The following PAK1 variants were observed in gnomAD, a reference collection of about 807,000 sequenced individuals.
The protein encoded by PAK1 is serine/threonine-protein kinase PAK 1.
In PAK1, 29 loss-of-function variants were observed where a neutral mutation model predicts 67.4. That is an observed-to-expected ratio of 0.43 (90% CI 0.32 to 0.59). The LOEUF (loss-of-function observed/expected upper bound fraction) is 0.59. Among genes scored for constraint, PAK1 ranks in the 20% least tolerant of loss-of-function variants. The pLI is 0.07. For missense variants in PAK1, 337 were observed against 670.7 expected (o/e 0.50, Z 5.50); for synonymous variants, 223 against 237.4 (o/e 0.94, Z 0.56).
intron 1 of PAK1, among the ~76,000 whole-genome samples, chr11:77,399,767 G>A (rs1223278960): frequency 1.5e-5 from 2 of 136,026 alleles, no homozygotes; most frequent in African/African-American, 2.6e-5. Context: ...GCTGAGGCAG[G>A]AGAATGGCGT....
intron 1 of PAK1, among the ~76,000 whole-genome samples, chr11:77,464,201 T>G (rs1957489199): frequency 6.6e-6 from 1 of 152,220 alleles, no homozygotes; most frequent in African/African-American, 2.4e-5. Flanking sequence ...ATCTCTAAAC[T>G]TTTACCTACT....
intron 1 of PAK1, among the ~76,000 whole-genome samples, chr11:77,440,431 C>T (rs1034905277): frequency 1.3e-5 from 2 of 152,134 alleles, no homozygotes; most frequent in African/African-American, 4.8e-5. Context: ...TATAAGGGCA[C>T]TTACTATAAG....
At position 77,360,709 on chromosome 11, in the gene PAK1, T is replaced by C. The variant is rs142781418; in HGVS notation, c.478-1692A>G. On this transcript the variant is annotated intron_variant, in intron 5 of 14. Coordinates refer to ENST00000356341, the MANE Select transcript of PAK1 (RefSeq NM_002576.5). ...CTTTGGGCAGTGATATTAACATCTG[T>C]CAGAGAGAGAAAGGTCTAGGTTATT... Among the ~76,000 whole-genome samples the C allele has an allele frequency of 1.8e-3, 277 of 152,296 alleles. 2 individuals carry two copies. Among genetic ancestry groups the C allele is most frequent in the African/African-American group, 6.2e-3 (258 of 41,568 alleles).
chr11:77,426,690 T>C (rs1030444684), intron 1 of PAK1, among the ~76,000 whole-genome samples: 10 of 152,142 alleles, frequency 6.6e-5, no homozygotes, highest in African/African-American at 4.8e-5. Flanking sequence ...CAAATCAAAA[T>C]AAGAGTTAGT....
At chr11:77,409,225 C>A (rs569940816) in intron 1 of PAK1, among the ~76,000 whole-genome samples, 1 of 152,178 alleles carries the variant, frequency 6.6e-6, no homozygotes, top group Admixed American at 6.5e-5. Context: ...AGGCCATGAT[C>A]GTACCATTGC....
chr11:77,338,931 G>T (rs1272980010), intron 11 of PAK1, among the ~76,000 whole-genome samples: 1 of 152,128 alleles, frequency 6.6e-6, no homozygotes, highest in Admixed American at 6.6e-5. Flanking sequence ...AGTCAGGGCA[G>T]GGGACATGGG....
Position 77,368,763 on chromosome 11 carries a change from T to G in PAK1, c.477+5565A>C, listed in dbSNP as rs185360047. On this transcript the variant is annotated intron_variant, in intron 5 of 14. Transcript: ENST00000356341. ...CGTCTGCCTCCCTGGTTCAAGTGATTCTTTTGCCTCGGCCTCCTGAGTAGC... is the reference window on the plus strand; with the variant it reads ...CGTCTGCCTCCCTGGTTCAAGTGATGCTTTTGCCTCGGCCTCCTGAGTAGC... Among the ~76,000 whole-genome samples, 1,051 of 152,284 alleles carry G rather than the reference T, an allele frequency of 6.9e-3. 7 individuals are homozygous for G. Among genetic ancestry groups the G allele is most frequent in the Non-Finnish European group, 0.01 (681 of 68,020 alleles).
intron 2 of PAK1, among the ~76,000 whole-genome samples, chr11:77,387,981 T>C (rs1950657781): frequency 1.3e-5 from 2 of 152,236 alleles, no homozygotes; most frequent in South Asian, 4.1e-4. Flanking sequence ...CATTTTGATG[T>C]ATGCATTAGT....
chr11:77,473,476 C>T (rs1957972325), intron 1 of PAK1, 76 bp downstream of exon 1: 1 of 152,336 alleles, frequency 6.6e-6, no homozygotes, highest in Non-Finnish European at 1.5e-5. Flanking sequence ...ACCCCCACTC[C>T]ACCCGTCCCC....
At chr11:77,416,206 T>A (rs1954943381) in intron 1 of PAK1, among the ~76,000 whole-genome samples, 1 of 152,206 alleles carries the variant, frequency 6.6e-6, no homozygotes, top group African/African-American at 2.4e-5. Flanking sequence ...CTCCAGCTCC[T>A]AAGCTCAAGC....
intron 1 of PAK1, among the ~76,000 whole-genome samples, chr11:77,456,471 G>A (rs1957081297): frequency 6.6e-6 from 1 of 152,042 alleles, no homozygotes; most frequent in African/African-American, 2.4e-5. Flanking sequence ...TAGGTGCTGA[G>A]GACAACAAAG....
intron 1 of PAK1, among the ~76,000 whole-genome samples, chr11:77,425,133 T>C (rs1459241300): frequency 6.6e-6 from 1 of 152,204 alleles, no homozygotes; most frequent in Non-Finnish European, 1.5e-5. Flanking sequence ...TTTTTTTAAG[T>C]GATAATAAAT....
intron 10 of PAK1, among the ~76,000 whole-genome samples, chr11:77,343,169 T>C (rs1224468827): frequency 1.3e-5 from 2 of 152,006 alleles, no homozygotes; most frequent in East Asian, 3.9e-4. Context: ...CAAAAAAATT[T>C]TGATGGGCTG....
chr11:77,445,636 A>C (rs1158923169), intron 1 of PAK1, among the ~76,000 whole-genome samples: 1 of 152,242 alleles, frequency 6.6e-6, no homozygotes, highest in Non-Finnish European at 1.5e-5. Context: ...TAACCAGAAA[A>C]TCACTTTTCC....
intron 1 of PAK1, among the ~76,000 whole-genome samples, chr11:77,423,327 T>C (rs1270421898): frequency 1.4e-5 from 2 of 143,344 alleles, no homozygotes; most frequent in Non-Finnish European, 3.0e-5. Flanking sequence ...TCTTTCCAAG[T>C]TCTTTAAAAA....
the PAK1 span, among the ~76,000 whole-genome samples, chr11:77,501,418 CTT>C: frequency 3.7e-4 from 57 of 152,336 alleles, no homozygotes; most frequent in South Asian, 1.2e-3. Flanking sequence ...GTGGTGGCAT[CTT>C]TTCTCTGTGC....
chr11:77,521,579 A>T, the PAK1 span, among the ~76,000 whole-genome samples: 1 of 152,082 alleles, frequency 6.6e-6, no homozygotes, highest in African/African-American at 2.4e-5. Context: ...ACTCCTTATC[A>T]TAAACCGAAT....
intron 14 of PAK1, among the ~76,000 whole-genome samples, chr11:77,326,475 G>C (rs112786254): frequency 0.031 from 4,729 of 152,232 alleles, 130 homozygotes; most frequent in African/African-American, 0.076. Context: ...GTGGTGGGCA[G>C]ATCGTTTGAG....
chr11:77,506,746 T>G, the PAK1 span, among the ~76,000 whole-genome samples: 2 of 152,192 alleles, frequency 1.3e-5, no homozygotes, highest in Non-Finnish European at 2.9e-5. Flanking sequence ...CTGATGGACC[T>G]ATGACATACG....
Sources: gnomAD v4.1 joint callset for allele counts (sites outside exome capture counted in the v4.1 genomes callset) on GRCh38, gnomAD v4.1.1 for gene constraint, MANE v1.5 for transcripts, NCBI Gene and HGNC (gene_info 2026-07-23, HGNC 2026-07-21) for gene names.